LRP1B: variants seen among roughly 807,000 people sequenced by gnomAD.
LRP1B encodes LDL receptor related protein 1B, also known as low-density lipoprotein receptor-related protein 1B.
In LRP1B, 217 loss-of-function variants were observed where a neutral mutation model predicts 556.6. That is an observed-to-expected ratio of 0.39 (90% CI 0.35 to 0.44). LRP1B has a LOEUF of 0.44. LRP1B is among the 20% of genes least tolerant of loss of function. The pLI, the probability that LRP1B is intolerant of heterozygous loss-of-function variation, is 1.00. For missense variants in LRP1B, 5,053 were observed against 5,620.8 expected (o/e 0.90, Z 3.23); for synonymous variants, 2,047 against 1,865.8 (o/e 1.10, Z -2.50).
intron 4 of LRP1B, among the ~76,000 whole-genome samples, chr2:141,253,059 G>C (rs140929744): frequency 3.9e-5 from 6 of 152,318 alleles, no homozygotes; most frequent in Non-Finnish European, 8.8e-5. Flanking sequence ...AGGAACTGCA[G>C]AGCTTGATTA....
At chr2:141,853,424 C>T (rs1021299110) in intron 1 of LRP1B, among the ~76,000 whole-genome samples, 3 of 151,620 alleles carry the variant, frequency 2.0e-5, no homozygotes, top group East Asian at 1.9e-4. Context: ...TGTTTCTCCA[C>T]GTTCTACAGA....
chr2:140,388,849 C>T (rs577698687), intron 66 of LRP1B, among the ~76,000 whole-genome samples: 3 of 152,180 alleles, frequency 2.0e-5, no homozygotes, highest in African/African-American at 4.8e-5. Flanking sequence ...AACCATATCC[C>T]ATATCAAATC....
chr2:141,863,546 T>C (rs1486279636), intron 1 of LRP1B, among the ~76,000 whole-genome samples: 1 of 152,162 alleles, frequency 6.6e-6, no homozygotes, highest in Non-Finnish European at 1.5e-5. Flanking sequence ...TAGCTTCCAA[T>C]AGACTAGTAA....
intron 1 of LRP1B, among the ~76,000 whole-genome samples, chr2:141,959,224 A>G (rs914004254): frequency 9.2e-5 from 14 of 151,872 alleles, no homozygotes; most frequent in African/African-American, 3.4e-4. Context: ...AATGACCTCA[A>G]ATGAGCTTTG....
intron 1 of LRP1B, among the ~76,000 whole-genome samples, chr2:141,824,162 A>T (rs570857151): frequency 6.6e-6 from 1 of 152,212 alleles, no homozygotes; most frequent in African/African-American, 2.4e-5. Flanking sequence ...TTTGTGGGAG[A>T]TAAATAACAG....
intron 6 of LRP1B, among the ~76,000 whole-genome samples, chr2:141,190,225 T>C (rs978642432): frequency 2.0e-5 from 3 of 151,952 alleles, no homozygotes; most frequent in African/African-American, 7.2e-5. Context: ...CCATCTGGTC[T>C]TTTTTGGAGT....
At position 142,126,040 on chromosome 2, in the gene LRP1B, T is replaced by A. The variant is rs1006079121; in HGVS notation, c.82+4608A>T. Among the ~76,000 whole-genome samples the A allele has an allele frequency of 3.7e-4, 56 of 151,886 alleles. 1 individual carries two copies. Among genetic ancestry groups the A allele is most frequent in the Non-Finnish European group, 1.5e-5 (1 of 67,774 alleles). On this transcript the variant is annotated intron_variant, in intron 1 of 90. Coordinates refer to ENST00000389484, the MANE Select transcript of LRP1B (RefSeq NM_018557.3). ...TATTCTGATTAATTCATAATGGAAC[T>A]CAGTCTTTGGCTTTATTTTCTTTAG...
At chr2:140,731,471 G>A (rs1421536356) in intron 35 of LRP1B, among the ~76,000 whole-genome samples, 2 of 152,044 alleles carry the variant, frequency 1.3e-5, no homozygotes, top group Admixed American at 6.6e-5. Flanking sequence ...AAGAATATAA[G>A]TAATTTAATA....
At chr2:141,313,608 AATGAGAAAAC>A (rs1161999157) in intron 3 of LRP1B, among the ~76,000 whole-genome samples, 2 of 152,162 alleles carry the variant, frequency 1.3e-5, no homozygotes, top group East Asian at 3.9e-4. Flanking sequence ...ATAATATTGG[AATGAGAAAAC>A]ATCAGAACTT....
intron 20 of LRP1B, among the ~76,000 whole-genome samples, chr2:140,937,681 A>G (rs908077665): frequency 3.9e-5 from 6 of 152,102 alleles, no homozygotes; most frequent in African/African-American, 1.4e-4. Flanking sequence ...CAGTATTTGT[A>G]TTTATGTACA....
chr2:141,705,501 T>C (rs941490254), intron 2 of LRP1B, among the ~76,000 whole-genome samples: 48 of 152,030 alleles, frequency 3.2e-4, no homozygotes, highest in Non-Finnish European at 4.4e-5. Flanking sequence ...TGCTTAATGA[T>C]TGCTTTTTCT....
chr2:141,064,527 A>G (rs1699428359), intron 7 of LRP1B, among the ~76,000 whole-genome samples: 2 of 151,986 alleles, frequency 1.3e-5, no homozygotes, highest in African/African-American at 4.8e-5. Flanking sequence ...TAAATATATA[A>G]CTGATCAAAA....
intron 35 of LRP1B, among the ~76,000 whole-genome samples, chr2:140,720,281 T>C (rs1002965239): frequency 6.6e-6 from 1 of 151,980 alleles, no homozygotes; most frequent in African/African-American, 2.4e-5. Context: ...TAAACTATCT[T>C]AAGACATATG....
chr2:141,629,030 A>G (rs1329350293), intron 2 of LRP1B, among the ~76,000 whole-genome samples: 1 of 152,206 alleles, frequency 6.6e-6, no homozygotes, highest in Non-Finnish European at 1.5e-5. Context: ...ATCTCCACGT[A>G]TACATGAGAA....
chr2:140,248,737 T>C (rs2104902428), intron 86 of LRP1B, among the ~76,000 whole-genome samples: 1 of 151,756 alleles, frequency 6.6e-6, no homozygotes, highest in Non-Finnish European at 1.5e-5. Flanking sequence ...ATTCTTCACA[T>C]ATTGTAATCA....
In LRP1B at chr2:141,396,298, A is replaced by G. The variant is rs1452444398; in HGVS notation, c.343+84098T>C. Among the ~76,000 whole-genome samples, 3 of 152,204 alleles carry G rather than the reference A, an allele frequency of 2.0e-5. No homozygotes were observed. The East Asian group carries it at 5.8e-4, about 29-fold the overall frequency. ...GTTGATTTTCTTTTTAGCTATATGA[A>G]AAAGAATACATTGTTGTTTTTTAAT... On this transcript the variant is annotated intron_variant, in intron 3 of 90. Coordinates refer to ENST00000389484, the MANE Select transcript of LRP1B (RefSeq NM_018557.3).
chr2:140,970,714 C>CT (rs571691521), intron 18 of LRP1B, among the ~76,000 whole-genome samples: 2 of 12,258 alleles, frequency 1.6e-4, no homozygotes, highest in African/African-American at 4.7e-4. Flanking sequence ...ATTTTTTAAC[C>CT]TTTTTTTTTT....
chr2:140,334,813 T>G (rs539321607), intron 78 of LRP1B, among the ~76,000 whole-genome samples: 1 of 152,090 alleles, frequency 6.6e-6, no homozygotes, highest in African/African-American at 2.4e-5. Flanking sequence ...CAGCTCATTA[T>G]TTAATATCCA....
At chr2:140,652,133 T>C (rs1470204133) in intron 41 of LRP1B, among the ~76,000 whole-genome samples, 1 of 151,884 alleles carries the variant, frequency 6.6e-6, no homozygotes, top group Non-Finnish European at 1.5e-5. Context: ...AAGGGAGATG[T>C]TGGAGATAAG....
Sources: allele counts gnomAD v4.1 joint callset (sites outside exome capture counted in the v4.1 genomes callset), GRCh38; gene constraint gnomAD v4.1.1; transcripts MANE v1.5; gene names NCBI Gene and HGNC (gene_info 2026-07-23, HGNC 2026-07-21).